The following LAMA4 variants were observed in gnomAD, a reference collection of about 807,000 sequenced individuals.
LAMA4 encodes the protein laminin subunit alpha 4.
Under a neutral mutation model 207.1 loss-of-function variants are expected in LAMA4, and 127 were observed. That is an observed-to-expected ratio of 0.61 (90% CI 0.53 to 0.71). The LOEUF is 0.71. Among genes scored for constraint, LAMA4 ranks in the 30% least tolerant of loss-of-function variants. The probability of loss-of-function intolerance (pLI) is 0.00; values close to 1 mark genes in which losing one functional copy is unlikely to be tolerated. For missense variants in LAMA4, 2,093 were observed against 2,246.5 expected (o/e 0.93, Z 1.38); for synonymous variants, 761 against 816.0 (o/e 0.93, Z 1.15).
rs1488151354 is a variant in LAMA4, at chr6:112,139,057, A to C, written c.3282+63T>G. The C allele has an allele frequency of 2.0e-6, 3 of 1,520,494 alleles. No individual in the cohort carries two copies. In the South Asian group the frequency reaches 3.4e-5, roughly 17 times the overall value. The allele number at this position is 1,520,494 out of a possible 1,614,324, so 94.2% of individuals were successfully genotyped here. On this transcript the variant is annotated intron_variant, in intron 24 of 38. Coordinates refer to ENST00000230538, the MANE Select transcript of LAMA4 (RefSeq NM_001105206.3). Reference sequence around the variant, plus strand: ...CACTAGACCTGGGAAGGTTCCTGGAAACATGAGTAGCAGAAAGTAAAGGAA... The same window carrying C: ...CACTAGACCTGGGAAGGTTCCTGGACACATGAGTAGCAGAAAGTAAAGGAA...
chr6:112,174,707 G>A (rs1367007926), intron 11 of LAMA4, among the ~76,000 whole-genome samples: 1 of 152,188 alleles, frequency 6.6e-6, no homozygotes, highest in Non-Finnish European at 1.5e-5. Context: ...TGGCCAGGCT[G>A]GTCTCGAACT....
intron 2 of LAMA4, among the ~76,000 whole-genome samples, chr6:112,243,113 A>T (rs939707678): frequency 1.3e-5 from 2 of 152,148 alleles, no homozygotes; most frequent in Non-Finnish European, 1.5e-5. Flanking sequence ...GGACCCTGGC[A>T]TGGGAGACCC....
At chr6:112,206,727 G>A (rs1264347957) in intron 4 of LAMA4, among the ~76,000 whole-genome samples, 8 of 152,184 alleles carry the variant, frequency 5.3e-5, no homozygotes, top group African/African-American at 1.9e-4. Context: ...TCAAGAGAAA[G>A]TCAAGAAAAG....
At chr6:112,226,628 C>A (rs955590625) in intron 2 of LAMA4, among the ~76,000 whole-genome samples, 3 of 152,204 alleles carry the variant, frequency 2.0e-5, no homozygotes, top group African/African-American at 7.2e-5. Flanking sequence ...TAGTGTCTTA[C>A]TCATTTTTGT....
intron 18 of LAMA4, among the ~76,000 whole-genome samples, chr6:112,146,392 G>A (rs782384177): frequency 6.6e-6 from 1 of 152,084 alleles, no homozygotes; most frequent in Non-Finnish European, 1.5e-5. Context: ...CTGAACAGTG[G>A]TTCTTAAAGT....
At chr6:112,183,965 A>AG (rs1252699875) in intron 9 of LAMA4, among the ~76,000 whole-genome samples, 5 of 151,412 alleles carry the variant, frequency 3.3e-5, no homozygotes, top group Admixed American at 6.6e-5. Flanking sequence ...AAAAAAAAAA[A>AG]AAAAGAAAAA....
chr6:112,246,520 C>CTTTTTTTTTTTT (rs11364561), intron 2 of LAMA4, among the ~76,000 whole-genome samples: 1 of 127,842 alleles, frequency 7.8e-6, no homozygotes, highest in African/African-American at 3.0e-5. Flanking sequence ...ATCAAAGCTG[C>CTTTTTTTTTTTT]TTTTTTTTTT....
intron 35 of LAMA4, among the ~76,000 whole-genome samples, chr6:112,116,335 A>G (rs1167415350): frequency 1.3e-5 from 2 of 152,170 alleles, no homozygotes; most frequent in Admixed American, 6.6e-5. Flanking sequence ...CAGAGGAAGT[A>G]GACTCAACAC....
intron 35 of LAMA4, among the ~76,000 whole-genome samples, chr6:112,116,777 T>A (rs1276886294): frequency 6.6e-6 from 1 of 152,222 alleles, no homozygotes; most frequent in South Asian, 2.1e-4. Context: ...TGGAGTAGTA[T>A]ATAAATTGTG....
chr6:112,254,060 C>G lies in LAMA4; in HGVS notation c.91G>C (p.Ala31Pro). The G allele has an allele frequency of 6.2e-7, 1 of 1,607,486 alleles. No individual in the cohort carries two copies. Among genetic ancestry groups the G allele is most frequent in the Non-Finnish European group, 8.5e-7 (1 of 1,177,200 alleles). The change falls in exon 2 of 39, where the codon GCT (alanine) becomes CCT (proline). Residue 31 changes from alanine (A) to proline (P), a missense_variant. This residue lies in a region of LAMA4 where 1,704 missense variants were observed against 1,788.4 expected (regional missense o/e 0.95). Coordinates refer to ENST00000230538, the MANE Select transcript of LAMA4 (RefSeq NM_001105206.3). Reference protein sequence around the residue: ...CSRAASGDDNAFPFDIEGSSA... With the variant: ...CSRAASGDDNPFPFDIEGSSA... ...CTCCCTTCAATGTCAAAAGGAAAAG[C>G]GTTGTCGTCCCCGGACGCGGCGCGG...
Position 112,117,619 on chromosome 6 carries a change from G to A in LAMA4, c.4981+120C>T, listed in dbSNP as rs1778096831. On this transcript the variant is annotated intron_variant, in intron 35 of 38. Transcript: ENST00000230538. The surrounding 1 kb of genome is among the most constrained non-coding windows in gnomAD (Gnocchi z 4.5). Reference sequence around the variant, plus strand: ...AGAAAGGTGGTTCTTGTGGGAAGAGGTCATCTTCTAGGGCTGAGTTTGGCA... The same window carrying A: ...AGAAAGGTGGTTCTTGTGGGAAGAGATCATCTTCTAGGGCTGAGTTTGGCA... 3 of 954,924 alleles carry A rather than the reference G, an allele frequency of 3.1e-6. No homozygotes were observed. The East Asian group carries it at 7.5e-5, about 24-fold the overall frequency. 59.2% of individuals were successfully genotyped at this position (954,924 alleles called of 1,614,324 possible).
chr6:112,141,238 C>T, intron 21 of LAMA4, 120 bp downstream of exon 21: 4 of 1,010,184 alleles, frequency 4.0e-6, no homozygotes, highest in Non-Finnish European at 6.3e-6. Context: ...GAGGAAAATG[C>T]TATTTATAAC....
intron 3 of LAMA4, among the ~76,000 whole-genome samples, chr6:112,210,168 C>T (rs543292795): frequency 1.7e-4 from 26 of 151,968 alleles, no homozygotes; most frequent in Middle Eastern, 3.4e-3. Context: ...CCAATTATGC[C>T]TCTTTTCTTT....
chr6:112,185,004 A>C (rs1782598885), intron 9 of LAMA4, among the ~76,000 whole-genome samples: 1 of 152,204 alleles, frequency 6.6e-6, no homozygotes, highest in South Asian at 2.1e-4. Context: ...ATACACAGAA[A>C]ATTCTCCACA....
intron 3 of LAMA4, chr6:112,213,872 C>G (rs543293064): frequency 8.3e-5 from 40 of 479,380 alleles, no homozygotes; most frequent in Non-Finnish European, 1.4e-4. Context: ...TAAAAGAAAG[C>G]CTTTTATTTT....
At chr6:112,169,709 T>C (rs1583784498) in intron 12 of LAMA4, among the ~76,000 whole-genome samples, 2 of 152,348 alleles carry the variant, frequency 1.3e-5, no homozygotes, top group East Asian at 3.9e-4. Flanking sequence ...AAGGGTTTGT[T>C]TGGTAAAGTT....
At chr6:112,122,790 T>C (rs1318603465) in intron 31 of LAMA4, among the ~76,000 whole-genome samples, 7 of 152,214 alleles carry the variant, frequency 4.6e-5, no homozygotes, top group South Asian at 4.1e-4. Flanking sequence ...TGTGCAAGTA[T>C]AGGCTAATAT....
intron 2 of LAMA4, among the ~76,000 whole-genome samples, chr6:112,230,856 A>G (rs1178270497): frequency 6.6e-6 from 1 of 152,244 alleles, no homozygotes; most frequent in Non-Finnish European, 1.5e-5. Context: ...AGAATGCCAG[A>G]GCTGGGAAGG....
At chr6:112,129,400 C>G (rs1206838089) in intron 30 of LAMA4, among the ~76,000 whole-genome samples, 1 of 152,114 alleles carries the variant, frequency 6.6e-6, no homozygotes, top group Non-Finnish European at 1.5e-5. Flanking sequence ...TTCTTGTACT[C>G]AAGGAACCCC....
Sources: gnomAD v4.1 joint callset for allele counts (sites outside exome capture counted in the v4.1 genomes callset) on GRCh38, gnomAD v4.1.1 for gene constraint, gnomAD v4.1.1 regional missense constraint, Gnocchi (gnomAD v3.1) non-coding constraint, MANE v1.5 for transcripts, NCBI Gene and HGNC (gene_info 2026-07-23, HGNC 2026-07-21) for gene names.